Variants in SLC8A1 observed in about 807,000 individuals in gnomAD.
SLC8A1 encodes the protein sodium/calcium exchanger 1.
SLC8A1 carries 18 observed loss-of-function variants against 68.3 expected under a neutral mutation model. That is an observed-to-expected ratio of 0.26 (90% confidence interval 0.18 to 0.39). The LOEUF is 0.39. SLC8A1 is among the 10% of genes least tolerant of loss of function. The pLI, the probability that SLC8A1 is intolerant of heterozygous loss-of-function variation, is 1.00. For missense variants in SLC8A1, 985 were observed against 1,156.7 expected (o/e 0.85, Z 2.15); for synonymous variants, 475 against 415.5 (o/e 1.14, Z -1.74).
intron 2 of SLC8A1, among the ~76,000 whole-genome samples, chr2:40,381,066 A>C (rs1681605019): frequency 6.6e-6 from 1 of 152,078 alleles, no homozygotes; most frequent in Non-Finnish European, 1.5e-5. Context: ...CCTATAGCAG[A>C]ATGTGATTAA....
intron 2 of SLC8A1, among the ~76,000 whole-genome samples, chr2:40,221,055 C>G (rs1034417999): frequency 6.6e-6 from 1 of 150,882 alleles, no homozygotes; most frequent in Non-Finnish European, 1.5e-5. Flanking sequence ...ATACCAAAAC[C>G]TGGCAGAGAC....
chr2:40,119,734 A>G (rs1017338539), intron 7 of SLC8A1, among the ~76,000 whole-genome samples: 1 of 152,150 alleles, frequency 6.6e-6, no homozygotes, highest in African/African-American at 2.4e-5. Context: ...TTTTTCCTTC[A>G]TCTATGTCCC....
At chr2:40,175,949 C>G (rs1412554862) in intron 3 of SLC8A1, 1 of 443,442 alleles carries the variant, frequency 2.3e-6, no homozygotes, top group Non-Finnish European at 4.5e-6. Flanking sequence ...GTGTCCTTAT[C>G]TGTGACTTCT....
chr2:40,337,266 T>C, intron 2 of SLC8A1: 1 of 311,206 alleles, frequency 3.2e-6, no homozygotes, highest in East Asian at 7.7e-5. Context: ...TCAAATGTAG[T>C]ATTTTCTTAG....
chr2:40,478,462 C>A (rs1704424999), intron 1 of SLC8A1, among the ~76,000 whole-genome samples: 1 of 152,086 alleles, frequency 6.6e-6, no homozygotes, highest in Non-Finnish European at 1.5e-5. Context: ...ATCTACAAAC[C>A]CAAATATTTA....
chr2:40,356,150 C>A (rs1244634912), intron 2 of SLC8A1, among the ~76,000 whole-genome samples: 1 of 152,172 alleles, frequency 6.6e-6, no homozygotes, highest in South Asian at 2.1e-4. Context: ...CTACCCACCC[C>A]CAGTTAAACA....
chr2:40,290,806 C>T (rs2069173705), intron 2 of SLC8A1, among the ~76,000 whole-genome samples: 1 of 152,108 alleles, frequency 6.6e-6, no homozygotes, highest in African/African-American at 2.4e-5. Context: ...ATATGCATAT[C>T]CCATATGGAT....
chr2:40,282,978 C>A (rs1468316485), intron 2 of SLC8A1, among the ~76,000 whole-genome samples: 1 of 152,058 alleles, frequency 6.6e-6, no homozygotes, highest in Admixed American at 6.6e-5. Flanking sequence ...AAAGGTTCTT[C>A]CTGAAAAGAC....
At chr2:40,298,786 C>T (rs984136330) in intron 2 of SLC8A1, among the ~76,000 whole-genome samples, 9 of 151,892 alleles carry the variant, frequency 5.9e-5, no homozygotes, top group African/African-American at 2.2e-4. Flanking sequence ...TATAATTGTA[C>T]AGTAACTAAT....
chr2:40,292,509 C>A (rs2069512151), intron 2 of SLC8A1, among the ~76,000 whole-genome samples: 1 of 152,158 alleles, frequency 6.6e-6, no homozygotes, highest in South Asian at 2.1e-4. Context: ...TACTTGGTCA[C>A]CTGCCAGGAT....
intron 1 of SLC8A1, among the ~76,000 whole-genome samples, chr2:40,482,873 C>G (rs571630737): frequency 1.3e-5 from 2 of 149,698 alleles, no homozygotes; most frequent in East Asian, 4.0e-4. Context: ...TCACTGCAAG[C>G]TCCGCCTCCC....
At chr2:40,236,973 G>A (rs1558889785) in intron 2 of SLC8A1, among the ~76,000 whole-genome samples, 1 of 152,244 alleles carries the variant, frequency 6.6e-6, no homozygotes, top group South Asian at 2.1e-4. Flanking sequence ...GAGATCCGCT[G>A]TTAGTCTGAT....
Position 40,428,707 on chromosome 2 carries a change from G to A in SLC8A1, c.1574C>T (p.Ser525Phe), listed in dbSNP as rs143844177. 7 of 1,613,724 alleles carry A rather than the reference G, an allele frequency of 4.3e-6. No homozygotes were observed. In the African/African-American group the frequency reaches 6.7e-5, roughly 15 times the overall value. The change falls in exon 2 of 8, where the codon TCC becomes TTC. Residue 525 changes from serine (S) to phenylalanine (F), a missense_variant. Ser to Phe is a radical substitution (Grantham distance 155). Around this residue, in one of 5 missense-constraint regions of SLC8A1, gnomAD observed 584 missense variants for 565.9 expected, o/e 1.03. Coordinates refer to ENST00000406785, the Ensembl canonical transcript of SLC8A1. ...ATCAAAAATAGTTACAGTGGCAGTG[G>A]AGGGAGATCCGAGGCAAGCAAGTGT...
chr2:40,134,921 G>C (rs971272990), intron 7 of SLC8A1, among the ~76,000 whole-genome samples: 5 of 152,160 alleles, frequency 3.3e-5, no homozygotes, highest in African/African-American at 1.2e-4. Flanking sequence ...AGAAAATAGA[G>C]TGAAATAATA....
intron 1 of SLC8A1, among the ~76,000 whole-genome samples, chr2:40,461,092 C>A (rs543847320): frequency 2.4e-4 from 36 of 152,230 alleles, no homozygotes; most frequent in Non-Finnish European, 4.0e-4. Flanking sequence ...TACCGCTCAG[C>A]TTAATCTTTT....
chr2:40,235,726 T>A (rs906904535), intron 2 of SLC8A1, among the ~76,000 whole-genome samples: 1 of 151,342 alleles, frequency 6.6e-6, no homozygotes, highest in African/African-American at 2.4e-5. Context: ...TGCTTTCTCT[T>A]GTGGGCATTT....
At chr2:40,355,910 T>G (rs1672517332) in intron 2 of SLC8A1, among the ~76,000 whole-genome samples, 1 of 152,196 alleles carries the variant, frequency 6.6e-6, no homozygotes, top group Admixed American at 6.5e-5. Context: ...TGGGATTTGC[T>G]GGAAAGGTTG....
At chr2:40,297,934 C>T (rs577425128) in intron 2 of SLC8A1, among the ~76,000 whole-genome samples, 1 of 152,216 alleles carries the variant, frequency 6.6e-6, no homozygotes, top group South Asian at 2.1e-4. Flanking sequence ...GGCTGGAGTG[C>T]AGTGGTGCGA....
At chr2:40,367,768 T>C (rs1384980368) in intron 2 of SLC8A1, among the ~76,000 whole-genome samples, 3 of 152,012 alleles carry the variant, frequency 2.0e-5, no homozygotes, top group Non-Finnish European at 2.9e-5. Flanking sequence ...AGGATCTGAA[T>C]ACACCCCTTC....
Sources: allele counts gnomAD v4.1 joint callset (sites outside exome capture counted in the v4.1 genomes callset), GRCh38; gene constraint gnomAD v4.1.1; regional missense constraint gnomAD v4.1.1; transcripts MANE v1.5; gene names NCBI Gene and HGNC (gene_info 2026-07-23, HGNC 2026-07-21).